Variants in ZSWIM3 observed in about 807,000 individuals in gnomAD.
ZSWIM3 encodes the protein zinc finger SWIM domain-containing protein 3.
In ZSWIM3, 27 loss-of-function variants were observed where a neutral mutation model predicts 47.5. That is an observed-to-expected ratio of 0.57 (90% CI 0.42 to 0.78). The LOEUF (loss-of-function observed/expected upper bound fraction) is 0.78. Ranked by LOEUF, ZSWIM3 falls within the 30% of genes least tolerant of loss-of-function variation. ZSWIM3 has a pLI of 0.00. For synonymous variants in ZSWIM3, 333 were observed against 333.9 expected (o/e 1.00, Z 0.03); for missense variants, 689 against 861.3 (o/e 0.80, Z 2.50).
intron 1 of ZSWIM3, among the ~76,000 whole-genome samples, chr20:45,869,533 A>G (rs1426241773): frequency 6.6e-6 from 1 of 151,812 alleles, no homozygotes; most frequent in Non-Finnish European, 1.5e-5. Flanking sequence ...AGAAAAAAAA[A>G]AGAAATGTGT....
Position 45,868,864 on chromosome 20 carries a change from G to A in ZSWIM3, c.156-7850G>A, listed in dbSNP as rs148570306. On this transcript the variant is annotated intron_variant, in intron 1 of 1. Coordinates refer to ENST00000255152, the MANE Select transcript of ZSWIM3 (RefSeq NM_080752.4). ...GTCACCCCGGCTGGAGTGAAGTGGC[G>A]CAATCTCGGCTCACTGCAACCTCCA... Among the ~76,000 whole-genome samples, 787 of 151,928 alleles carry A rather than the reference G, an allele frequency of 5.2e-3. 12 individuals carry two copies. Among genetic ancestry groups the A allele is most frequent in the African/African-American group, 0.018 (751 of 41,446 alleles).
intron 1 of ZSWIM3, among the ~76,000 whole-genome samples, chr20:45,864,161 G>T (rs1452981565): frequency 3.3e-5 from 5 of 152,168 alleles, no homozygotes; most frequent in African/African-American, 2.4e-5. Flanking sequence ...CATGGGCCAG[G>T]AGTACAAAGA....
chr20:45,866,776 TGAGCAACAGA>T (rs1260916141), intron 1 of ZSWIM3, among the ~76,000 whole-genome samples: 1 of 149,186 alleles, frequency 6.7e-6, no homozygotes, highest in Non-Finnish European at 1.5e-5. Flanking sequence ...CACTCCTACC[TGAGCAACAGA>T]GACCCTGTCT....
chr20:45,863,447 A>G (rs1215356931), intron 1 of ZSWIM3, among the ~76,000 whole-genome samples: 1 of 152,192 alleles, frequency 6.6e-6, no homozygotes, highest in Non-Finnish European at 1.5e-5. Context: ...TTGACACCCT[A>G]AACCAATGCA....
At chr20:45,862,533 C>G (rs991201531) in intron 1 of ZSWIM3, among the ~76,000 whole-genome samples, 4 of 151,676 alleles carry the variant, frequency 2.6e-5, no homozygotes, top group African/African-American at 9.7e-5. Flanking sequence ...GCTCTGTCAC[C>G]CAGGCTGGAG....
chr20:45,872,827 TAC>T, intron 1 of ZSWIM3: 1 of 1,280,126 alleles, frequency 7.8e-7, no homozygotes, highest in South Asian at 1.3e-5. Flanking sequence ...ACACAATAGG[TAC>T]AGACACTCTC....
chr20:45,871,699 AAAG>A (rs1255252473), intron 1 of ZSWIM3, among the ~76,000 whole-genome samples: 1 of 151,666 alleles, frequency 6.6e-6, no homozygotes, highest in African/African-American at 2.4e-5. Flanking sequence ...AAAAAAAAAA[AAAG>A]AAAGAAAAAA....
At position 45,877,432 on chromosome 20, in the gene ZSWIM3, G is replaced by C. The variant is rs754412817; in HGVS notation, c.874G>C (p.Ala292Pro). Residue 292 changes from alanine (A) to proline (P), a missense_variant, in exon 2 of 2, where the codon GCT becomes CCT. Coordinates refer to ENST00000255152, the MANE Select transcript of ZSWIM3 (RefSeq NM_080752.4). ...TGTGGACCCTTCATTCCATTACCGGGCTATCCTGCAGGAGATCTTTCCTGC... is the reference window on the plus strand; with the variant it reads ...TGTGGACCCTTCATTCCATTACCGGCCTATCCTGCAGGAGATCTTTCCTGC... ...VFVDPSFHYR[A>P]ILQEIFPAAR... The C allele has an allele frequency of 6.2e-7, 1 of 1,614,130 alleles. No individual in the cohort carries two copies. The highest frequency in any genetic ancestry group is 8.5e-7 in the Non-Finnish European group (1 of 1,180,038).
At chr20:45,859,575 C>T (rs1985651431) in intron 1 of ZSWIM3, among the ~76,000 whole-genome samples, 1 of 151,672 alleles carries the variant, frequency 6.6e-6, no homozygotes, top group South Asian at 2.1e-4. Flanking sequence ...TACTGAGTAC[C>T]ATGGAGGCAT....
In ZSWIM3 at chr20:45,858,958, A is replaced by G. The variant is rs1434665885; in HGVS notation, c.155+978A>G. Among the ~76,000 whole-genome samples, 3 of 152,182 alleles carry G rather than the reference A, an allele frequency of 2.0e-5. No homozygotes were observed. The East Asian group carries it at 5.8e-4, about 29-fold the overall frequency. On this transcript the variant is annotated intron_variant, in intron 1 of 1. Transcript: ENST00000255152. ...AACTTTGAATTTTACTTTAAGAAAA[A>G]GAATGATGAAATAGCAACCAACACC...
intron 1 of ZSWIM3, among the ~76,000 whole-genome samples, chr20:45,861,207 G>A (rs1985700012): frequency 6.6e-6 from 1 of 152,154 alleles, no homozygotes; most frequent in African/African-American, 2.4e-5. Flanking sequence ...CTTGAGGCCA[G>A]GCATTCTAGA....
intron 1 of ZSWIM3, among the ~76,000 whole-genome samples, chr20:45,860,418 G>A (rs1360414731): frequency 1.1e-5 from 1 of 90,434 alleles, no homozygotes; most frequent in African/African-American, 4.1e-5. Context: ...AGGAGGCTGA[G>A]GCAGCAGAAT....
chr20:45,870,689 A>T (rs1262388672), intron 1 of ZSWIM3, among the ~76,000 whole-genome samples: 14 of 144,304 alleles, frequency 9.7e-5, no homozygotes, highest in East Asian at 2.0e-4. Flanking sequence ...AGTGGAATTT[A>T]TTTTTTTTTT....
chr20:45,877,549 A>G lies in ZSWIM3; in HGVS notation c.991A>G (p.Met331Val). ...AGCAAATCCATCCTTTAAAAGGCTC[A>G]TGAAGGAAGCCCTGCGGGAGGCCGT... Reference protein sequence around the residue: ...SSANPSFKRLMKEALREAVFV... With the variant: ...SSANPSFKRLVKEALREAVFV... Residue 331 changes from methionine (M) to valine (V), a missense_variant, in exon 2 of 2, where the codon ATG becomes GTG. Met to Val is a conservative substitution (Grantham distance 21). Coordinates refer to ENST00000255152, the MANE Select transcript of ZSWIM3 (RefSeq NM_080752.4). 1 of 1,614,200 alleles carries G rather than the reference A, an allele frequency of 6.2e-7. No individual in the cohort carries two copies. The highest frequency in any genetic ancestry group is 8.5e-7 in the Non-Finnish European group (1 of 1,180,020).
chr20:45,872,200 G>A (rs537873607), intron 1 of ZSWIM3, among the ~76,000 whole-genome samples: 2 of 152,330 alleles, frequency 1.3e-5, no homozygotes, highest in East Asian at 1.9e-4. Flanking sequence ...CATGTAGCCA[G>A]ATATATAATA....
In ZSWIM3 at chr20:45,874,610, G is replaced by T. The variant is rs187454552; in HGVS notation, c.156-2104G>T. Among the ~76,000 whole-genome samples the T allele has an allele frequency of 4.5e-4, 68 of 152,318 alleles. No individual in the cohort carries two copies. In the East Asian group the frequency reaches 7.1e-3, roughly 16 times the overall value. On this transcript the variant is annotated intron_variant, in intron 1 of 1. Coordinates refer to ENST00000255152, the MANE Select transcript of ZSWIM3 (RefSeq NM_080752.4). ...CTGAAAAGTTCAGTTGAGAACCACT[G>T]ATCTAGTCCAATGTCCTGGGATCCT...
In ZSWIM3 at chr20:45,878,247, C is replaced by T. The variant is rs748403812; in HGVS notation, c.1689C>T (p.His563=). 12 of 1,614,222 alleles carry T rather than the reference C, an allele frequency of 7.4e-6. No homozygotes were observed. The highest frequency in any genetic ancestry group is 3.3e-5 in the South Asian group (3 of 91,084). The change falls in exon 2 of 2, where the codon CAC becomes CAT. Residue 563 remains histidine, a synonymous_variant. Transcript: ENST00000255152. ...AATGGTACCACCTGCCATGCCGACACATTTTGGCTCTGCTGCACACCAGCC... is the reference window on the plus strand; with the variant it reads ...AATGGTACCACCTGCCATGCCGACATATTTTGGCTCTGCTGCACACCAGCC... ...FQQWYHLPCR[H]ILALLHTSQQ...
chr20:45,867,291 G>A (rs1985869715), intron 1 of ZSWIM3, among the ~76,000 whole-genome samples: 1 of 152,098 alleles, frequency 6.6e-6, no homozygotes, highest in South Asian at 2.1e-4. Context: ...ACAGGTGTGA[G>A]CCACCGCACC....
chr20:45,869,631 A>C (rs1985922042), intron 1 of ZSWIM3, among the ~76,000 whole-genome samples: 1 of 152,192 alleles, frequency 6.6e-6, no homozygotes, highest in African/African-American at 2.4e-5. Context: ...GTGGGCCTCC[A>C]AAGGTCATTG....
Sources: gnomAD v4.1 joint callset for allele counts (sites outside exome capture counted in the v4.1 genomes callset) on GRCh38, gnomAD v4.1.1 for gene constraint, MANE v1.5 for transcripts, NCBI Gene and HGNC (gene_info 2026-07-23, HGNC 2026-07-21) for gene names.